Variants in CTNNA2 observed in about 807,000 individuals in gnomAD.
The protein encoded by CTNNA2 is catenin alpha 2, also known as catenin alpha-2.
A neutral mutation model predicts 101.0 loss-of-function variants in CTNNA2; 42 were observed. The ratio of observed to expected loss-of-function variants is 0.42; its 90% CI spans 0.32 to 0.54. CTNNA2 has a LOEUF of 0.54. CTNNA2 is among the 20% of genes least tolerant of loss of function. The pLI is 0.14. For synonymous variants in CTNNA2, 450 were observed against 456.4 expected (o/e 0.99, Z 0.18); for missense variants, 871 against 1,223.1 (o/e 0.71, Z 4.29).
At chr2:79,294,994 C>CAT (rs1553394411) in intron 2 of CTNNA2, among the ~76,000 whole-genome samples, 2 of 63,792 alleles carry the variant, frequency 3.1e-5, no homozygotes, top group Non-Finnish European at 6.4e-5. Context: ...TGTGTGAGTT[C>CAT]ATGTGTGTGT....
intron 15 of CTNNA2, among the ~76,000 whole-genome samples, chr2:80,592,771 TA>T (rs1488628005): frequency 2.6e-5 from 4 of 152,272 alleles, no homozygotes; most frequent in East Asian, 1.9e-4. Context: ...TGAGAAGGCA[TA>T]AAAAATACGT....
At chr2:79,544,537 G>A (rs564878823) in intron 1 of CTNNA2, among the ~76,000 whole-genome samples, 3 of 152,146 alleles carry the variant, frequency 2.0e-5, no homozygotes, top group Non-Finnish European at 4.4e-5. Flanking sequence ...AGATAGGTAA[G>A]ACAAATTTGT....
At chr2:79,222,955 T>G (rs891107763) in intron 2 of CTNNA2, among the ~76,000 whole-genome samples, 1 of 151,884 alleles carries the variant, frequency 6.6e-6, no homozygotes, top group East Asian at 2.0e-4. Context: ...AGGCCAGCCT[T>G]GGAAACATAG....
intron 4 of CTNNA2, among the ~76,000 whole-genome samples, chr2:79,401,349 A>T (rs950595258): frequency 2.4e-4 from 36 of 151,478 alleles, no homozygotes; most frequent in African/African-American, 6.3e-4. Context: ...ATATTTTTTT[A>T]AAACACTTTT....
intron 3 of CTNNA2, among the ~76,000 whole-genome samples, chr2:79,809,637 T>G (rs998364586): frequency 2.6e-5 from 4 of 152,126 alleles, no homozygotes; most frequent in African/African-American, 9.7e-5. Context: ...GGTGGGGTGG[T>G]TTTTTTCTTG....
chr2:80,112,415 T>G (rs1451152243), intron 7 of CTNNA2, among the ~76,000 whole-genome samples: 1 of 152,216 alleles, frequency 6.6e-6, no homozygotes, highest in African/African-American at 2.4e-5. Flanking sequence ...AGAAAAAGAT[T>G]TACTGATTGC....
chr2:80,140,663 T>A (rs1177175867), intron 7 of CTNNA2, among the ~76,000 whole-genome samples: 4 of 152,148 alleles, frequency 2.6e-5, no homozygotes, highest in Non-Finnish European at 5.9e-5. Flanking sequence ...AATCAAAACA[T>A]TCACATAATC....
chr2:79,382,135 A>C (rs1259045871), intron 4 of CTNNA2, among the ~76,000 whole-genome samples: 1 of 151,830 alleles, frequency 6.6e-6, no homozygotes, highest in Non-Finnish European at 1.5e-5. Context: ...AAGAAGGGTA[A>C]ATTCTGTCTA....
At chr2:80,219,752 T>C (rs1708471028) in intron 7 of CTNNA2, among the ~76,000 whole-genome samples, 1 of 152,174 alleles carries the variant, frequency 6.6e-6, no homozygotes, top group Non-Finnish European at 1.5e-5. Context: ...AAAACCTCAA[T>C]TTTGTGTCCA....
intron 1 of CTNNA2, among the ~76,000 whole-genome samples, chr2:79,188,023 A>G (rs1673803882): frequency 6.6e-6 from 1 of 152,226 alleles, no homozygotes; most frequent in East Asian, 1.9e-4. Context: ...CAGCAAGAGG[A>G]TATCATAATT....
At chr2:80,464,677 G>C (rs1684713000) in intron 9 of CTNNA2, among the ~76,000 whole-genome samples, 1 of 152,036 alleles carries the variant, frequency 6.6e-6, no homozygotes, top group African/African-American at 2.4e-5. Context: ...ACCCACTCTG[G>C]CATGCACAAT....
At chr2:80,484,810 T>C (rs1218788743) in intron 9 of CTNNA2, among the ~76,000 whole-genome samples, 2 of 152,068 alleles carry the variant, frequency 1.3e-5, no homozygotes, top group Non-Finnish European at 2.9e-5. Flanking sequence ...ATCGAGACCA[T>C]CCTGGCTACC....
chr2:79,351,122 T>C (rs79795137), intron 3 of CTNNA2, among the ~76,000 whole-genome samples: 4,278 of 152,242 alleles, frequency 0.028, 90 homozygotes, highest in Non-Finnish European at 0.037. Context: ...GTGCAAAAGG[T>C]TTTTTAGTTT....
chr2:79,982,319 T>C (rs1477633896), intron 7 of CTNNA2, among the ~76,000 whole-genome samples: 31 of 139,246 alleles, frequency 2.2e-4, no homozygotes, highest in Non-Finnish European at 3.9e-4. Context: ...ATATATAACA[T>C]ATATAACACA....
intron 2 of CTNNA2, among the ~76,000 whole-genome samples, chr2:79,667,652 T>C (rs961152536): frequency 3.3e-5 from 5 of 152,364 alleles, no homozygotes; most frequent in Middle Eastern, 3.4e-3. Flanking sequence ...TAGTTCACCA[T>C]TGAAGTCATA....
At chr2:79,995,212 A>G (rs550582706) in intron 7 of CTNNA2, among the ~76,000 whole-genome samples, 109 of 152,280 alleles carry the variant, frequency 7.2e-4, no homozygotes, top group Non-Finnish European at 1.5e-3. Flanking sequence ...TCAGTGTTCC[A>G]TTGCATTAAA....
At chr2:80,232,550 T>C (rs964675440) in intron 7 of CTNNA2, among the ~76,000 whole-genome samples, 1 of 151,930 alleles carries the variant, frequency 6.6e-6, no homozygotes, top group African/African-American at 2.4e-5. Context: ...GTGAATCTGA[T>C]ACAGAAATTA....
chr2:79,880,903 G>C (rs1235808581), intron 6 of CTNNA2, among the ~76,000 whole-genome samples: 5 of 151,948 alleles, frequency 3.3e-5, no homozygotes, highest in Non-Finnish European at 5.9e-5. Context: ...TCTTTTAATT[G>C]TGATGTTAGT....
At chr2:79,570,479 A>T (rs560163313) in intron 1 of CTNNA2, among the ~76,000 whole-genome samples, 1 of 152,162 alleles carries the variant, frequency 6.6e-6, no homozygotes, top group Non-Finnish European at 1.5e-5. Context: ...TCCAATTTAG[A>T]TAAGGGAATT....
Sources: allele counts gnomAD v4.1 joint callset (sites outside exome capture counted in the v4.1 genomes callset), GRCh38; gene constraint gnomAD v4.1.1; transcripts MANE v1.5; gene names NCBI Gene and HGNC (gene_info 2026-07-23, HGNC 2026-07-21).